The following ARHGAP10 variants were observed in gnomAD, a reference collection of about 807,000 sequenced individuals.
The protein encoded by ARHGAP10 is Rho GTPase activating protein 10.
ARHGAP10 carries 87 observed loss-of-function variants against 108.6 expected under a neutral mutation model. The ratio of observed to expected loss-of-function variants is 0.80; its 90% CI spans 0.67 to 0.96. The LOEUF (loss-of-function observed/expected upper bound fraction) is 0.96. Among genes scored for constraint, ARHGAP10 ranks in the 40% least tolerant of loss-of-function variants. The pLI is 0.00. For missense variants in ARHGAP10, 939 were observed against 954.5 expected (o/e 0.98, Z 0.21); for synonymous variants, 347 against 341.1 (o/e 1.02, Z -0.19).
intron 1 of ARHGAP10, among the ~76,000 whole-genome samples, chr4:147,737,767 G>C (rs1728480254): frequency 6.6e-6 from 1 of 152,156 alleles, no homozygotes; most frequent in African/African-American, 2.4e-5. Context: ...CTTGAGCCAG[G>C]GTGGGGACCC....
At chr4:147,866,356 T>G (rs1734560194) in intron 6 of ARHGAP10, 1 of 165,930 alleles carries the variant, frequency 6.0e-6, no homozygotes, top group Admixed American at 6.4e-5. Context: ...TCTGTGATTT[T>G]ACTTTCTTAA....
At chr4:148,019,759 C>T (rs547488377) in intron 18 of ARHGAP10, among the ~76,000 whole-genome samples, 1 of 149,374 alleles carries the variant, frequency 6.7e-6, no homozygotes, top group Admixed American at 6.7e-5. Context: ...AGTGAGACTC[C>T]ACCTAAAAAA....
chr4:148,072,233 GT>G lies in ARHGAP10; in HGVS notation c.*153del. On this transcript the variant is annotated 3_prime_UTR_variant, in exon 23 of 23. Coordinates refer to ENST00000336498, the MANE Select transcript of ARHGAP10 (RefSeq NM_024605.4). ...TCACAGTCAGCCCTGGGGGTGGGGG[GT>G]GGTGGGCAGGGATGGGACGCACCAC... 3.9e-6 allele frequency: 2 copies of G among 509,662 alleles called. No individual in the cohort carries two copies. Among genetic ancestry groups the G allele is most frequent in the Non-Finnish European group, 6.9e-6 (2 of 291,762 alleles). 31.6% of individuals were successfully genotyped at this position (509,662 alleles called of 1,614,324 possible). A position where few individuals can be genotyped will look rare whatever the true frequency, so the allele number is the denominator to read the frequency against.
chr4:147,904,890 T>C (rs562432136), intron 10 of ARHGAP10, among the ~76,000 whole-genome samples: 11,188 of 151,862 alleles, frequency 0.074, 1,198 homozygotes, highest in African/African-American at 0.24. Context: ...CTCTCCAGCA[T>C]CTGTTGTTTC....
rs528092439 is a variant in ARHGAP10 at position 147,957,458 on chromosome 4, T to C, written c.1450+2084T>C. 2.0e-5 allele frequency among the ~76,000 whole-genome samples: 3 copies of C among 152,278 alleles called. No homozygotes were observed. The South Asian group carries it at 6.2e-4, about 32-fold the overall frequency. ...GCCAAAATTAGTCTCCCCTTTTGAA[T>C]GCTGTTGGAAAATCGGGATTGTGGT... On this transcript the variant is annotated intron_variant, in intron 16 of 22. Transcript: ENST00000336498.
intron 1 of ARHGAP10, among the ~76,000 whole-genome samples, chr4:147,775,027 G>A (rs1239763272): frequency 6.6e-6 from 1 of 151,884 alleles, no homozygotes; most frequent in Non-Finnish European, 1.5e-5. Context: ...TGCCTCAGGA[G>A]TACTCTACTT....
chr4:147,813,257 T>C (rs7660941), intron 1 of ARHGAP10, among the ~76,000 whole-genome samples: 147,298 of 152,264 alleles, frequency 0.97, 71,262 homozygotes, highest in East Asian at 1. Context: ...TTGTCACTCA[T>C]GGCCTCTGCT....
chr4:147,936,397 CG>C (rs1156342127), intron 13 of ARHGAP10, among the ~76,000 whole-genome samples: 8 of 133,688 alleles, frequency 6.0e-5, no homozygotes, highest in African/African-American at 8.2e-5. Context: ...GGCGCAATCT[CG>C]GCTCACTGCA....
In ARHGAP10 at chr4:147,798,277, C is replaced by T. The variant is rs375490531; in HGVS notation, c.155-24450C>T. Among the ~76,000 whole-genome samples, 37 of 152,228 alleles carry T rather than the reference C, an allele frequency of 2.4e-4. No individual in the cohort carries two copies. The East Asian group carries it at 6.6e-3, about 27-fold the overall frequency. On this transcript the variant is annotated intron_variant, in intron 1 of 22. Coordinates refer to ENST00000336498, the MANE Select transcript of ARHGAP10 (RefSeq NM_024605.4). ...TCGGTACCTGCCTCTGAACCATCTT[C>T]GTTGTCTCTGGCTGTGTTACTTATA... is the stretch of plus-strand genomic sequence containing the variant.
At chr4:147,833,804 T>G (rs1368305909) in intron 3 of ARHGAP10, among the ~76,000 whole-genome samples, 3 of 152,170 alleles carry the variant, frequency 2.0e-5, no homozygotes, top group Non-Finnish European at 2.9e-5. Context: ...GATTCAATGA[T>G]ATATATATTA....
chr4:147,987,972 C>G (rs1050378387), intron 18 of ARHGAP10, among the ~76,000 whole-genome samples: 1 of 152,176 alleles, frequency 6.6e-6, no homozygotes, highest in African/African-American at 2.4e-5. Flanking sequence ...TGGTTGCAAC[C>G]AAATCATCTC....
At chr4:147,893,937 GAC>G (rs995975952) in intron 10 of ARHGAP10, among the ~76,000 whole-genome samples, 3 of 152,216 alleles carry the variant, frequency 2.0e-5, no homozygotes, top group Admixed American at 2.0e-4. Flanking sequence ...TGTATTGAAA[GAC>G]ACATTTTATA....
chr4:148,072,742 A>G lies in ARHGAP10; in HGVS notation c.*661A>G, dbSNP rs912759700. ...TTCCAAACACCACCTTTTTGCCTCAAGGTCTCTGTAAATGAAATAAACTGT... is the reference window on the plus strand; with the variant it reads ...TTCCAAACACCACCTTTTTGCCTCAGGGTCTCTGTAAATGAAATAAACTGT... On this transcript the variant is annotated 3_prime_UTR_variant, in exon 23 of 23. Transcript: ENST00000336498. 3.9e-5 allele frequency: 6 copies of G among 152,180 alleles called. No homozygotes were observed. Among genetic ancestry groups the G allele is most frequent in the African/African-American group, 1.4e-4 (6 of 41,422 alleles). The allele number at this position is 152,180 out of a possible 1,614,324, so 9.4% of individuals were successfully genotyped here. A position where few individuals can be genotyped will look rare whatever the true frequency, so the allele number is the denominator to read the frequency against.
chr4:147,978,996 C>G (rs191857140), intron 18 of ARHGAP10, among the ~76,000 whole-genome samples: 8 of 152,058 alleles, frequency 5.3e-5, no homozygotes, highest in Admixed American at 5.2e-4. Flanking sequence ...TATTTTCTCC[C>G]GTTTTGTAGA....
Position 147,732,178 on chromosome 4 carries a change from G to T in ARHGAP10, c.-124G>T. On this transcript the variant is annotated 5_prime_UTR_variant, in exon 1 of 23. Coordinates refer to ENST00000336498, the MANE Select transcript of ARHGAP10 (RefSeq NM_024605.4). ...GACATGTCCGTGCCGCGCTCGCCGC[G>T]CGCCCGGGCCTGCTAGCTCCTCTGT... 1.0e-6 allele frequency: 1 copy of T among 976,812 alleles called. No homozygotes were observed. The allele number at this position is 976,812 out of a possible 1,614,324, so 60.5% of individuals were successfully genotyped here. A position where few individuals can be genotyped will look rare whatever the true frequency, so the allele number is the denominator to read the frequency against.
intron 13 of ARHGAP10, among the ~76,000 whole-genome samples, chr4:147,922,687 CAAAAA>C (rs34169210): frequency 6.0e-5 from 6 of 99,236 alleles, no homozygotes; most frequent in Admixed American, 2.0e-4. Flanking sequence ...GACTCCGTCT[CAAAAA>C]AAAAAAAAAA....
At chr4:147,851,974 C>G (rs75955913) in intron 4 of ARHGAP10, among the ~76,000 whole-genome samples, 3,802 of 152,238 alleles carry the variant, frequency 0.025, 147 homozygotes, top group African/African-American at 0.082. Context: ...CTTAAGGCCT[C>G]TAAGTCTCAG....
At chr4:147,833,563 GA>G (rs775645705) in intron 3 of ARHGAP10, among the ~76,000 whole-genome samples, 2 of 152,202 alleles carry the variant, frequency 1.3e-5, no homozygotes, top group Non-Finnish European at 2.9e-5. Context: ...TGACTGAGAT[GA>G]AAAGTGATTC....
At chr4:147,999,426 T>C (rs1048251624) in intron 18 of ARHGAP10, among the ~76,000 whole-genome samples, 1 of 152,218 alleles carries the variant, frequency 6.6e-6, no homozygotes, top group African/African-American at 2.4e-5. Flanking sequence ...AGCTGAGCTT[T>C]TGCTGGCTGT....
Sources: gnomAD v4.1 joint callset for allele counts (sites outside exome capture counted in the v4.1 genomes callset) on GRCh38, gnomAD v4.1.1 for gene constraint, MANE v1.5 for transcripts, NCBI Gene and HGNC (gene_info 2026-07-23, HGNC 2026-07-21) for gene names.